The following LRRC7 variants were observed in gnomAD, a reference collection of about 807,000 sequenced individuals.
The protein encoded by LRRC7 is leucine rich repeat containing 7.
Under a neutral mutation model 175.7 loss-of-function variants are expected in LRRC7, and 23 were observed. The ratio of observed to expected loss-of-function variants is 0.13; its 90% CI spans 0.09 to 0.19. LRRC7 has a LOEUF of 0.19. LRRC7 is among the 10% of genes least tolerant of loss of function. The probability of loss-of-function intolerance (pLI) is 1.00; values close to 1 mark genes in which losing one functional copy is unlikely to be tolerated. For missense variants in LRRC7, 1,354 were observed against 1,904.7 expected (o/e 0.71, Z 5.38); for synonymous variants, 685 against 680.9 (o/e 1.01, Z -0.09).
At chr1:69,947,108 AAAATAAATAAAT>A (rs369706064) in intron 8 of LRRC7, among the ~76,000 whole-genome samples, 97 of 147,122 alleles carry the variant, frequency 6.6e-4, no homozygotes, top group East Asian at 3.2e-3. Context: ...ACTGTGTCTC[AAAATAAATAAAT>A]AAATAAATAA....
rs1666996152 is a variant in LRRC7, at chr1:70,139,767, G to A, written c.*17880G>A. 6.6e-6 allele frequency: 1 copy of A among 152,100 alleles called. No individual in the cohort carries two copies. The highest frequency in any genetic ancestry group is 2.4e-5 in the African/African-American group (1 of 41,416). The allele number at this position is 152,100 out of a possible 1,614,324, so 9.4% of individuals were successfully genotyped here. On this transcript the variant is annotated 3_prime_UTR_variant, in exon 27 of 27. Coordinates refer to ENST00000651989, the MANE Select transcript of LRRC7 (RefSeq NM_001370785.2). ...CAGGAAAGCTTCGGAGACACGGCAG[G>A]TACAGTCTCCTTAGAGCCTTTGAAA... is the stretch of plus-strand genomic sequence containing the variant.
chr1:69,838,435 G>T (rs1020649521), intron 7 of LRRC7, 152 bp downstream of exon 7: 2 of 598,400 alleles, frequency 3.3e-6, no homozygotes, highest in African/African-American at 3.8e-5. Flanking sequence ...TACTGTAAAA[G>T]ATTCATATTA....
chr1:69,697,256 C>T (rs1053188340), intron 2 of LRRC7, among the ~76,000 whole-genome samples: 8 of 152,204 alleles, frequency 5.3e-5, no homozygotes, highest in African/African-American at 1.9e-4. Flanking sequence ...ACTGCAATTC[C>T]TCCTGGATAT....
At chr1:69,979,700 A>G (rs56920619) in intron 8 of LRRC7, among the ~76,000 whole-genome samples, 6,616 of 152,166 alleles carry the variant, frequency 0.043, 166 homozygotes, top group South Asian at 0.1. Flanking sequence ...TCAACAAATA[A>G]TTATTCATTG....
chr1:69,640,930 T>G (rs942752952), intron 1 of LRRC7, among the ~76,000 whole-genome samples: 1 of 151,708 alleles, frequency 6.6e-6, no homozygotes, highest in Admixed American at 6.6e-5. Context: ...AGATATTTAT[T>G]AGGAAATTAC....
At chr1:69,681,162 T>C (rs924571537) in intron 2 of LRRC7, among the ~76,000 whole-genome samples, 2 of 152,140 alleles carry the variant, frequency 1.3e-5, no homozygotes, top group Non-Finnish European at 2.9e-5. Flanking sequence ...GTCATTCATG[T>C]TTGATATTAG....
chr1:69,642,811 CATAGATAGATAGATAG>C lies in LRRC7; in HGVS notation c.3-35539_3-35524del, dbSNP rs142950544. Among the ~76,000 whole-genome samples the C allele has an allele frequency of 1.4e-4, 21 of 147,294 alleles. No homozygotes were observed. In the East Asian group the frequency reaches 3.5e-3, roughly 24 times the overall value. On this transcript the variant is annotated intron_variant, in intron 1 of 26. Transcript: ENST00000651989. ...GAAACAGAACTAATGACAGATGATACATAGATAGATAGATAGATAGATAGATAGATAGATAGATAGA... is the reference window on the plus strand; with the variant it reads ...GAAACAGAACTAATGACAGATGATACATAGATAGATAGATAGATAGATAGA...
At chr1:69,887,623 A>T (rs1199425011) in intron 7 of LRRC7, among the ~76,000 whole-genome samples, 1 of 152,174 alleles carries the variant, frequency 6.6e-6, no homozygotes. Context: ...CAGCTCGCCA[A>T]AGTCATTCTC....
chr1:69,841,874 G>C (rs968328007), intron 7 of LRRC7, among the ~76,000 whole-genome samples: 2 of 151,988 alleles, frequency 1.3e-5, no homozygotes, highest in Non-Finnish European at 2.9e-5. Context: ...AAATTATATG[G>C]GAAGCCAAAC....
chr1:70,100,063 C>T (rs571832882), intron 25 of LRRC7, among the ~76,000 whole-genome samples: 108 of 152,166 alleles, frequency 7.1e-4, no homozygotes, highest in Non-Finnish European at 1.3e-3. Context: ...GGATGCAATG[C>T]ACTGTCAGTC....
chr1:70,112,257 T>G (rs893648364), intron 26 of LRRC7, among the ~76,000 whole-genome samples: 1 of 152,140 alleles, frequency 6.6e-6, no homozygotes, highest in African/African-American at 2.4e-5. Flanking sequence ...TTAAAGTTAG[T>G]TTTTGGTAAG....
At chr1:69,571,375 C>G (rs1645733262) in intron 1 of LRRC7, among the ~76,000 whole-genome samples, 1 of 152,074 alleles carries the variant, frequency 6.6e-6, no homozygotes, top group Non-Finnish European at 1.5e-5. Flanking sequence ...TTTAATTTTT[C>G]TAATTCCCTT....
At chr1:69,596,118 A>G (rs966608802) in intron 1 of LRRC7, among the ~76,000 whole-genome samples, 1 of 152,034 alleles carries the variant, frequency 6.6e-6, no homozygotes, top group Non-Finnish European at 1.5e-5. Context: ...AAAGCATAAG[A>G]CTTCTTGTTT....
Position 69,952,909 on chromosome 1 carries a change from G to A in LRRC7, c.711+21339G>A, listed in dbSNP as rs572626749. Among the ~76,000 whole-genome samples the A allele has an allele frequency of 1.5e-4, 22 of 150,456 alleles. No individual in the cohort carries two copies. In the South Asian group the frequency reaches 4.6e-3, roughly 32 times the overall value. On this transcript the variant is annotated intron_variant, in intron 8 of 26. Transcript: ENST00000651989. Reference sequence around the variant, plus strand: ...TTTTTTGAACTCCTACTGTTTGCCAGGCATTGCACTACATTCCAGAGGGCT... The same window carrying A: ...TTTTTTGAACTCCTACTGTTTGCCAAGCATTGCACTACATTCCAGAGGGCT...
At chr1:69,726,119 C>G (rs1393780415) in intron 2 of LRRC7, among the ~76,000 whole-genome samples, 5 of 152,174 alleles carry the variant, frequency 3.3e-5, no homozygotes. Flanking sequence ...CACACATTTT[C>G]TTACTTAGCC....
rs767979195 is a variant in LRRC7, at chr1:70,142,718, A to G, written c.*20831A>G. 2.6e-5 allele frequency: 4 copies of G among 151,982 alleles called. No individual in the cohort carries two copies. The highest frequency in any genetic ancestry group is 4.4e-5 in the Non-Finnish European group (3 of 67,980). The allele number at this position is 151,982 out of a possible 1,614,324, so 9.4% of individuals were successfully genotyped here. On this transcript the variant is annotated 3_prime_UTR_variant, in exon 27 of 27. Transcript: ENST00000651989. ...AATACAGTTTTATTTTTTCCACTTT[A>G]TAACTGCCCAAGGGCTCCCCCAACC...
At chr1:69,891,113 G>A (rs1355779926) in intron 7 of LRRC7, among the ~76,000 whole-genome samples, 1 of 152,208 alleles carries the variant, frequency 6.6e-6, no homozygotes, top group African/African-American at 2.4e-5. Context: ...TTGGCTAACT[G>A]TTTGGCACAA....
chr1:69,822,455 G>C (rs1043175495), intron 4 of LRRC7, among the ~76,000 whole-genome samples: 16 of 152,172 alleles, frequency 1.1e-4, no homozygotes, highest in African/African-American at 2.2e-4. Context: ...CTTTGTGTTG[G>C]AGAATAGTAG....
At chr1:69,569,526 G>A (rs1336114492) in intron 1 of LRRC7, among the ~76,000 whole-genome samples, 1 of 151,602 alleles carries the variant, frequency 6.6e-6, no homozygotes, top group Non-Finnish European at 1.5e-5. Context: ...ACCCTGGCTC[G>A]TGGACTATTA....
Sources: allele counts gnomAD v4.1 joint callset (sites outside exome capture counted in the v4.1 genomes callset), GRCh38; gene constraint gnomAD v4.1.1; transcripts MANE v1.5; gene names NCBI Gene and HGNC (gene_info 2026-07-23, HGNC 2026-07-21).